MDGA2: variants seen among roughly 807,000 people sequenced by gnomAD.
MDGA2 encodes MAM domain containing glycosylphosphatidylinositol anchor 2.
MDGA2 carries 40 observed loss-of-function variants against 117.8 expected under a neutral mutation model. That is an observed-to-expected ratio of 0.34 (90% CI 0.26 to 0.44). MDGA2 has a LOEUF of 0.44. MDGA2 is among the 20% of genes least tolerant of loss of function. MDGA2 has a pLI of 1.00. For synonymous variants in MDGA2, 452 were observed against 439.0 expected (o/e 1.03, Z -0.37); for missense variants, 1,123 against 1,250.6 (o/e 0.90, Z 1.54).
chr14:47,026,034 C>G (rs1888462425), intron 8 of MDGA2, among the ~76,000 whole-genome samples: 1 of 152,106 alleles, frequency 6.6e-6, no homozygotes, highest in East Asian at 1.9e-4. Flanking sequence ...CAGGAATTTA[C>G]TACAAAGTAA....
chr14:47,629,528 A>G (rs1897215228), intron 1 of MDGA2, among the ~76,000 whole-genome samples: 1 of 152,198 alleles, frequency 6.6e-6, no homozygotes, highest in Non-Finnish European at 1.5e-5. Flanking sequence ...TCTTCCATAT[A>G]AAGGCATTGG....
At chr14:47,648,382 A>T (rs1048532754) in intron 1 of MDGA2, among the ~76,000 whole-genome samples, 3 of 152,150 alleles carry the variant, frequency 2.0e-5, no homozygotes, top group African/African-American at 7.2e-5. Flanking sequence ...GCATGATTAT[A>T]AATTCCCTTA....
At chr14:47,647,121 G>A (rs1025735692) in intron 1 of MDGA2, among the ~76,000 whole-genome samples, 1 of 152,208 alleles carries the variant, frequency 6.6e-6, no homozygotes, top group African/African-American at 2.4e-5. Context: ...AAAAATAAAT[G>A]TTTGTATCCA....
intron 4 of MDGA2, among the ~76,000 whole-genome samples, chr14:47,143,418 C>A (rs1361643921): frequency 6.6e-6 from 1 of 152,090 alleles, no homozygotes; most frequent in Non-Finnish European, 1.5e-5. Flanking sequence ...TAACAGCATG[C>A]AAATATTCCC....
intron 1 of MDGA2, among the ~76,000 whole-genome samples, chr14:47,495,614 T>C (rs1296514428): frequency 1.4e-4 from 22 of 152,206 alleles, no homozygotes; most frequent in Non-Finnish European, 8.8e-5. Flanking sequence ...TTACTCCTCG[T>C]AGCCTCAATT....
chr14:47,419,403 G>A (rs2138503592), intron 1 of MDGA2, among the ~76,000 whole-genome samples: 1 of 152,164 alleles, frequency 6.6e-6, no homozygotes, highest in South Asian at 2.1e-4. Context: ...CATAGGCCAT[G>A]ACCCAAAGAA....
rs1345862611 is a variant in MDGA2, at chr14:47,144,243, T to C, written c.627A>G (p.Gln209=). Reference sequence around the variant, plus strand: ...ATTGTTCTTTAGCTTCACCTATACTTTGATGAACAGTTACTACTGGATCAT... The same window carrying C: ...ATTGTTCTTTAGCTTCACCTATACTCTGATGAACAGTTACTACTGGATCAT... ...YLDDPVVTVH[Q]SIGEAKEQFY... is the part of the protein sequence containing the mutation. The change falls in exon 4 of 17, where the codon CAA becomes CAG. Residue 209 remains glutamine, a synonymous_variant. Coordinates refer to ENST00000399232, the MANE Select transcript of MDGA2 (RefSeq NM_001113498.3). 3.2e-6 allele frequency: 5 copies of C among 1,550,994 alleles called. No homozygotes were observed. The African/African-American group carries it at 5.5e-5, about 17-fold the overall frequency.
intron 1 of MDGA2, among the ~76,000 whole-genome samples, chr14:47,415,544 G>T (rs1892457776): frequency 6.6e-6 from 1 of 151,868 alleles, no homozygotes; most frequent in Non-Finnish European, 1.5e-5. Flanking sequence ...CTCTTACTGT[G>T]CCTGATTTAT....
intron 10 of MDGA2, among the ~76,000 whole-genome samples, chr14:46,886,553 G>T (rs1254696669): frequency 6.6e-6 from 1 of 152,050 alleles, no homozygotes; most frequent in African/African-American, 2.4e-5. Flanking sequence ...TGATGATGCA[G>T]TTGTGAGGGG....
intron 1 of MDGA2, chr14:47,444,317 T>C (rs1893076897): frequency 6.3e-6 from 1 of 157,776 alleles, no homozygotes; most frequent in African/African-American, 2.4e-5. Context: ...GCAGCTCTTT[T>C]CCCAGCTGTG....
intron 1 of MDGA2, among the ~76,000 whole-genome samples, chr14:47,348,725 G>GA (rs1437795132): frequency 6.6e-6 from 1 of 151,938 alleles, no homozygotes; most frequent in Non-Finnish European, 1.5e-5. Flanking sequence ...AGGCAGAGTG[G>GA]AAAAAAATGA....
At chr14:47,503,421 CTT>C (rs1180360462) in intron 1 of MDGA2, among the ~76,000 whole-genome samples, 20 of 133,662 alleles carry the variant, frequency 1.5e-4, no homozygotes, top group Admixed American at 2.3e-4. Context: ...CCTCTACTAC[CTT>C]TTTTTTTTTT....
At chr14:47,003,996 C>T (rs1301879218) in intron 8 of MDGA2, among the ~76,000 whole-genome samples, 1 of 151,744 alleles carries the variant, frequency 6.6e-6, no homozygotes, top group African/African-American at 2.4e-5. Context: ...TTGAAAGACA[C>T]TTAGAAGAAT....
intron 1 of MDGA2, among the ~76,000 whole-genome samples, chr14:47,360,286 G>T (rs1452327648): frequency 6.6e-6 from 1 of 151,810 alleles, no homozygotes; most frequent in African/African-American, 2.4e-5. Flanking sequence ...GGGAGGCGGA[G>T]GTTGCGGTGA....
At chr14:47,411,973 CA>C (rs1184328488) in intron 1 of MDGA2, among the ~76,000 whole-genome samples, 1 of 152,146 alleles carries the variant, frequency 6.6e-6, no homozygotes, top group African/African-American at 2.4e-5. Flanking sequence ...TGCTGTCTTG[CA>C]AATTGGGAAA....
chr14:47,480,590 A>T (rs1893932455), intron 1 of MDGA2, among the ~76,000 whole-genome samples: 1 of 152,004 alleles, frequency 6.6e-6, no homozygotes, highest in African/African-American at 2.4e-5. Context: ...TATTATTTTT[A>T]AAAATACTAT....
chr14:47,312,677 G>GTTT (rs202227321), intron 1 of MDGA2, among the ~76,000 whole-genome samples: 2 of 126,766 alleles, frequency 1.6e-5, no homozygotes, highest in African/African-American at 5.9e-5. Flanking sequence ...CTAGTTTTTA[G>GTTT]TTTTTTTTTT....
At chr14:47,579,912 A>G (rs1238636063) in intron 1 of MDGA2, among the ~76,000 whole-genome samples, 2 of 152,114 alleles carry the variant, frequency 1.3e-5, no homozygotes, top group African/African-American at 4.8e-5. Context: ...CATTATTAGT[A>G]TTATTACATG....
chr14:47,129,346 G>C (rs1296203818), intron 5 of MDGA2, among the ~76,000 whole-genome samples: 1 of 151,732 alleles, frequency 6.6e-6, no homozygotes, highest in Non-Finnish European at 1.5e-5. Context: ...GCGGTGTTTG[G>C]TTTTTTGTTC....
Sources: allele counts gnomAD v4.1 joint callset (sites outside exome capture counted in the v4.1 genomes callset), GRCh38; gene constraint gnomAD v4.1.1; transcripts MANE v1.5; gene names NCBI Gene and HGNC (gene_info 2026-07-23, HGNC 2026-07-21).